THEM4: variants seen among roughly 807,000 people sequenced by gnomAD.
THEM4 encodes thioesterase superfamily member 4.
THEM4 carries 22 observed loss-of-function variants against 25.0 expected under a neutral mutation model. That is an observed-to-expected ratio of 0.88 (90% CI 0.63 to 1.26). The LOEUF is 1.26. THEM4 is among the 50% of genes most tolerant of loss of function. THEM4 has a pLI of 0.00. For missense variants in THEM4, 286 were observed against 300.3 expected (o/e 0.95, Z 0.35); for synonymous variants, 113 against 105.6 (o/e 1.07, Z -0.43).
At chr1:151,879,086 GAAT>G (rs1653753003) in intron 4 of THEM4, among the ~76,000 whole-genome samples, 1 of 151,916 alleles carries the variant, frequency 6.6e-6, no homozygotes, top group African/African-American at 2.4e-5. Context: ...AGAATATTGT[GAAT>G]ATTATGAATA....
intron 1 of THEM4, among the ~76,000 whole-genome samples, chr1:151,900,778 C>CA (rs1654332857): frequency 6.6e-6 from 1 of 152,182 alleles, no homozygotes; most frequent in Non-Finnish European, 1.5e-5. Context: ...GATAGGCCCC[C>CA]AAATCTGGCC....
chr1:151,893,295 C>T (rs1208206093), intron 2 of THEM4, among the ~76,000 whole-genome samples: 2 of 150,994 alleles, frequency 1.3e-5, no homozygotes, highest in African/African-American at 4.9e-5. Context: ...TCACTTGAAC[C>T]CGGGAGGAGG....
At position 151,895,066 on chromosome 1, in the gene THEM4, C is replaced by T; in HGVS notation, c.228G>A (p.Leu76=). ...KKCEDGSWKR[L]PSYKRTPTEW... is the part of the protein sequence containing the mutation. Reference sequence around the variant, plus strand: ...CAGTAGGTGTACGTTTATATGAAGGCAAACGTTTCCAGGAGCCGTCTTCAC... The same window carrying T: ...CAGTAGGTGTACGTTTATATGAAGGTAAACGTTTCCAGGAGCCGTCTTCAC... The change falls in exon 2 of 6, where the codon TTG becomes TTA. Residue 76 remains leucine (L), a synonymous_variant. Coordinates refer to ENST00000368814, the MANE Select transcript of THEM4 (RefSeq NM_053055.5). 1 of 1,614,092 alleles carries T rather than the reference C, an allele frequency of 6.2e-7. No homozygotes were observed. The highest frequency in any genetic ancestry group is 8.5e-7 in the Non-Finnish European group (1 of 1,180,010).
intron 5 of THEM4, 149 bp downstream of exon 5, chr1:151,876,852 A>T: frequency 2.3e-6 from 2 of 861,256 alleles, no homozygotes; most frequent in Non-Finnish European, 3.5e-6. Flanking sequence ...TTTGGCATGT[A>T]TGGGTTATAA....
At chr1:151,882,830 A>C (rs1214613404) in intron 4 of THEM4, among the ~76,000 whole-genome samples, 1 of 152,116 alleles carries the variant, frequency 6.6e-6, no homozygotes. Flanking sequence ...AAATGATTTG[A>C]AGGTTTACTG....
At chr1:151,875,704 A>C (rs1653656732) in intron 5 of THEM4, among the ~76,000 whole-genome samples, 1 of 152,232 alleles carries the variant, frequency 6.6e-6, no homozygotes, top group Non-Finnish European at 1.5e-5. Context: ...AATGCAAATC[A>C]AGATCACACC....
At chr1:151,889,536 G>C (rs1654044263) in intron 2 of THEM4, 163 bp from the exon 3 acceptor site, 3 of 616,078 alleles carry the variant, frequency 4.9e-6, no homozygotes, top group African/African-American at 1.8e-5. Flanking sequence ...CAATGAAACA[G>C]AAGATAGGAT....
rs1653593298 is a variant in THEM4, at chr1:151,873,168, G to T, written c.*1720C>A. 6.6e-6 allele frequency among the ~76,000 whole-genome samples: 1 copy of T among 152,106 alleles called. No individual in the cohort carries two copies. Among genetic ancestry groups the T allele is most frequent in the African/African-American group, 2.4e-5 (1 of 41,402 alleles). On this transcript the variant is annotated 3_prime_UTR_variant, in exon 6 of 6. Coordinates refer to ENST00000368814, the MANE Select transcript of THEM4 (RefSeq NM_053055.5). ...TTGGGTGGAGAGAAGCATAAATCTG[G>T]CCTACGTACACATCTGGGCATAGTA... is the stretch of plus-strand genomic sequence containing the variant.
In THEM4 at chr1:151,899,408, T is replaced by C. The variant is rs150216667; in HGVS notation, c.100-4214A>G. On this transcript the variant is annotated intron_variant, in intron 1 of 5. Coordinates refer to ENST00000368814, the MANE Select transcript of THEM4 (RefSeq NM_053055.5). ...CGGGAGGCTGAGGCAGGAGAATTGC[T>C]TGAAGCTGGGAGGTGGAGGTTGCAG... Among the ~76,000 whole-genome samples, 1,293 of 151,580 alleles carry C rather than the reference T, an allele frequency of 8.5e-3. 17 individuals carry two copies. Among genetic ancestry groups the C allele is most frequent in the Middle Eastern group, 0.014 (4 of 292 alleles).
At chr1:151,892,166 T>C (rs1654108673) in intron 2 of THEM4, among the ~76,000 whole-genome samples, 3 of 151,894 alleles carry the variant, frequency 2.0e-5, no homozygotes. Context: ...TCTGAGAGGG[T>C]CAAATTTTAG....
rs940962649 is a variant in THEM4, at chr1:151,874,688, T to C, written c.*200A>G. ...CAGCGCCTGGCCCGAGAGTTGTCGA[T>C]ATGCTCGCAGGAAGTATTTCTGTGT... is the stretch of plus-strand genomic sequence containing the variant. On this transcript the variant is annotated 3_prime_UTR_variant, in exon 6 of 6. Coordinates refer to ENST00000368814, the MANE Select transcript of THEM4 (RefSeq NM_053055.5). 10 of 643,120 alleles carry C rather than the reference T, an allele frequency of 1.6e-5. No individual in the cohort carries two copies. Among genetic ancestry groups the C allele is most frequent in the African/African-American group, 9.1e-5 (5 of 54,938 alleles). 39.8% of individuals were successfully genotyped at this position (643,120 alleles called of 1,614,324 possible).
intron 4 of THEM4, 135 bp downstream of exon 4, chr1:151,888,138 C>T (rs1654010949): frequency 1.6e-6 from 1 of 611,948 alleles, no homozygotes; most frequent in South Asian, 2.1e-5. Flanking sequence ...TCCTGCTTCT[C>T]CCACTCCCTT....
At chr1:151,876,979 A>G (rs1375074044) in intron 5 of THEM4, 22 bp downstream of exon 5, 1 of 1,587,370 alleles carries the variant, frequency 6.3e-7, no homozygotes, top group Admixed American at 1.8e-5. Context: ...ACCCCAAGAA[A>G]GAGATAAGAC....
At chr1:151,908,462 C>T (rs1233544103) in intron 1 of THEM4, among the ~76,000 whole-genome samples, 2 of 152,132 alleles carry the variant, frequency 1.3e-5, no homozygotes, top group Non-Finnish European at 2.9e-5. Flanking sequence ...TATGCCCTTT[C>T]GCTATTTGTC....
chr1:151,891,303 T>C (rs1654086737), intron 2 of THEM4: 1 of 152,122 alleles, frequency 6.6e-6, no homozygotes, highest in African/African-American at 2.4e-5. Context: ...ATTCTGACAG[T>C]TGAGTGGAAG....
intron 4 of THEM4, among the ~76,000 whole-genome samples, chr1:151,886,947 G>C (rs1242338936): frequency 1.3e-5 from 2 of 152,122 alleles, no homozygotes; most frequent in Non-Finnish European, 2.9e-5. Context: ...TATTCAAATT[G>C]GAAAGGAAGA....
At chr1:151,906,746 C>A (rs1654477302) in intron 1 of THEM4, among the ~76,000 whole-genome samples, 1 of 152,144 alleles carries the variant, frequency 6.6e-6, no homozygotes, top group Non-Finnish European at 1.5e-5. Flanking sequence ...CACCAATCGA[C>A]ACTCTGTATC....
intron 1 of THEM4, among the ~76,000 whole-genome samples, chr1:151,898,275 C>T (rs970837999): frequency 3.3e-5 from 5 of 152,090 alleles, no homozygotes; most frequent in African/African-American, 4.8e-5. Flanking sequence ...ACCGGCCCTT[C>T]GGTTTGCATG....
intron 3 of THEM4, 115 bp from the exon 4 acceptor site, chr1:151,888,498 C>T: frequency 1.4e-6 from 1 of 720,692 alleles, no homozygotes; most frequent in South Asian, 1.9e-5. Context: ...GAAAGGTCCA[C>T]TTAGCCCATG....
Sources: gnomAD v4.1 joint callset for allele counts (sites outside exome capture counted in the v4.1 genomes callset) on GRCh38, gnomAD v4.1.1 for gene constraint, MANE v1.5 for transcripts, NCBI Gene and HGNC (gene_info 2026-07-23, HGNC 2026-07-21) for gene names.